The following TMEM135 variants were observed in gnomAD, a reference collection of about 807,000 sequenced individuals.
TMEM135 encodes transmembrane protein 135.
TMEM135 carries 30 observed loss-of-function variants against 60.3 expected under a neutral mutation model. The ratio of observed to expected loss-of-function variants is 0.50; its 90% CI spans 0.37 to 0.68. The LOEUF (loss-of-function observed/expected upper bound fraction) is 0.68, where lower values mean the gene tolerates loss of function less well. Ranked by LOEUF, TMEM135 falls within the 30% of genes least tolerant of loss-of-function variation. The pLI, the probability that TMEM135 is intolerant of heterozygous loss-of-function variation, is 0.00. For synonymous variants in TMEM135, 190 were observed against 186.7 expected (o/e 1.02, Z -0.14); for missense variants, 468 against 548.8 (o/e 0.85, Z 1.47).
At chr11:87,193,862 C>G (rs930137722) in intron 5 of TMEM135, among the ~76,000 whole-genome samples, 1 of 151,170 alleles carries the variant, frequency 6.6e-6, no homozygotes, top group Non-Finnish European at 1.5e-5. Flanking sequence ...TATGATCATG[C>G]TAGGATACAG....
chr11:87,242,335 A>G (rs1941157806), intron 6 of TMEM135, among the ~76,000 whole-genome samples: 2 of 151,660 alleles, frequency 1.3e-5, no homozygotes, highest in South Asian at 4.2e-4. Context: ...TCTTTATAGC[A>G]GCATGTTTTA....
chr11:87,092,600 GA>G (rs1373782181), intron 4 of TMEM135, among the ~76,000 whole-genome samples: 1 of 152,128 alleles, frequency 6.6e-6, no homozygotes, highest in Non-Finnish European at 1.5e-5. Flanking sequence ...GACAGCAGGA[GA>G]GCAGGATTTC....
intron 4 of TMEM135, among the ~76,000 whole-genome samples, chr11:87,134,833 A>G (rs35304163): frequency 6.6e-6 from 1 of 152,098 alleles, no homozygotes; most frequent in Non-Finnish European, 1.5e-5. Context: ...TTCCAAAGTG[A>G]TCATACCATT....
At chr11:87,062,736 A>G (rs1949962605) in intron 1 of TMEM135, among the ~76,000 whole-genome samples, 1 of 152,050 alleles carries the variant, frequency 6.6e-6, no homozygotes, top group Non-Finnish European at 1.5e-5. Context: ...GTGCTGGGAT[A>G]TAAGCGTGAG....
chr11:87,079,989 G>A (rs969753067), intron 3 of TMEM135, among the ~76,000 whole-genome samples: 1 of 150,776 alleles, frequency 6.6e-6, no homozygotes, highest in African/African-American at 2.4e-5. Context: ...CTACAGGTGC[G>A]TGCCACCTCG....
chr11:87,112,165 A>G (rs1251158391), intron 4 of TMEM135, among the ~76,000 whole-genome samples: 2 of 152,226 alleles, frequency 1.3e-5, no homozygotes, highest in Non-Finnish European at 1.5e-5. Flanking sequence ...TAGCACTACT[A>G]TGACAGCCTT....
chr11:87,083,077 T>C (rs1395883679), intron 3 of TMEM135, among the ~76,000 whole-genome samples: 2 of 152,212 alleles, frequency 1.3e-5, no homozygotes, highest in African/African-American at 4.8e-5. Context: ...CTCTAATCCA[T>C]TCATCAATTA....
intron 6 of TMEM135, among the ~76,000 whole-genome samples, chr11:87,241,155 T>C (rs1941124507): frequency 6.6e-6 from 1 of 152,078 alleles, no homozygotes; most frequent in South Asian, 2.1e-4. Context: ...AACCAGACTA[T>C]TTATTGGCTG....
In TMEM135 at chr11:87,325,294, G is replaced by A; in HGVS notation, c.*3961G>A. 2 of 454,054 alleles carry A rather than the reference G, an allele frequency of 4.4e-6. No homozygotes were observed. The highest frequency in any genetic ancestry group is 3.1e-5 in the South Asian group (2 of 64,478). The allele number at this position is 454,054 out of a possible 1,614,324, so 28.1% of individuals were successfully genotyped here. A position where few individuals can be genotyped will look rare whatever the true frequency, so the allele number is the denominator to read the frequency against. On this transcript the variant is annotated 3_prime_UTR_variant, in exon 15 of 15. Transcript: ENST00000305494. ...TGTGTGACTTCTGGAAACAGAAGTGGGGCAGTAAGTTGGCCATGATATAGC... is the reference window on the plus strand; with the variant it reads ...TGTGTGACTTCTGGAAACAGAAGTGAGGCAGTAAGTTGGCCATGATATAGC...
intron 5 of TMEM135, among the ~76,000 whole-genome samples, chr11:87,224,280 G>A (rs1021417555): frequency 3.3e-5 from 5 of 152,198 alleles, no homozygotes; most frequent in Non-Finnish European, 5.9e-5. Context: ...CAGTTAGAGG[G>A]CCACTGTTGG....
intron 4 of TMEM135, among the ~76,000 whole-genome samples, chr11:87,120,497 A>T (rs1374922581): frequency 3.0e-5 from 3 of 99,720 alleles, no homozygotes; most frequent in African/African-American, 7.3e-5. Context: ...TTTGAGACAG[A>T]GTTTCGCTCT....
intron 5 of TMEM135, among the ~76,000 whole-genome samples, chr11:87,195,969 C>T (rs1488334286): frequency 1.3e-5 from 2 of 151,814 alleles, no homozygotes; most frequent in Non-Finnish European, 2.9e-5. Context: ...CTTAGTTTGA[C>T]ACAGATGCTG....
chr11:87,263,409 G>T (rs1228423420), intron 6 of TMEM135, among the ~76,000 whole-genome samples: 1 of 152,032 alleles, frequency 6.6e-6, no homozygotes, highest in Non-Finnish European at 1.5e-5. Context: ...ATGTCTTAAA[G>T]CTGTCAAGAT....
intron 6 of TMEM135, among the ~76,000 whole-genome samples, chr11:87,246,611 A>G (rs898577144): frequency 2.6e-5 from 4 of 151,186 alleles, no homozygotes; most frequent in East Asian, 1.9e-4. Context: ...TTGATCTTCC[A>G]TCACTGATAC....
rs1004783991 is a variant in TMEM135, at chr11:87,270,307, C to T, written c.510-25475C>T. On this transcript the variant is annotated intron_variant, in intron 6 of 14. Transcript: ENST00000305494. ...CCATTTTGTAGGATGCCTGTTCACT[C>T]TGATGGTAGTTTCTTTTGGTGTGCA... Among the ~76,000 whole-genome samples the T allele has an allele frequency of 2.0e-5, 3 of 151,854 alleles. No individual in the cohort carries two copies. In the East Asian group the frequency reaches 5.8e-4, roughly 29 times the overall value.
At chr11:87,273,687 A>G (rs546604490) in intron 6 of TMEM135, among the ~76,000 whole-genome samples, 1 of 152,312 alleles carries the variant, frequency 6.6e-6, no homozygotes, top group South Asian at 2.1e-4. Flanking sequence ...GAACTGAACT[A>G]CACTGAATAT....
intron 5 of TMEM135, among the ~76,000 whole-genome samples, chr11:87,218,728 G>A (rs1368167250): frequency 2.0e-5 from 3 of 152,136 alleles, no homozygotes. Context: ...TTAGAAGGCC[G>A]AGGCAGGTGG....
chr11:87,313,414 T>C lies in TMEM135; in HGVS notation c.937-11T>C. ...AAATAACTGAAGTCATTGTATTTTC[T>C]CCTTAACTAGGGTACTAGTTGCTTC... On this transcript the variant is annotated splice_polypyrimidine_tract_variant and intron_variant, in intron 10 of 14. Transcript: ENST00000305494. 6.2e-7 allele frequency: 1 copy of C among 1,606,018 alleles called. No individual in the cohort carries two copies. The highest frequency in any genetic ancestry group is 1.1e-5 in the South Asian group (1 of 90,752).
At chr11:87,105,515 C>T (rs374459186) in intron 4 of TMEM135, among the ~76,000 whole-genome samples, 66 of 152,218 alleles carry the variant, frequency 4.3e-4, no homozygotes, top group African/African-American at 1.4e-3. Flanking sequence ...AGTTGGGGAC[C>T]GCTGGCCTAT....
Sources: gnomAD v4.1 joint callset for allele counts (sites outside exome capture counted in the v4.1 genomes callset) on GRCh38, gnomAD v4.1.1 for gene constraint, MANE v1.5 for transcripts, NCBI Gene and HGNC (gene_info 2026-07-23, HGNC 2026-07-21) for gene names.